The following ZYG11B variants were observed in gnomAD, a reference collection of about 807,000 sequenced individuals.
The protein encoded by ZYG11B is protein zyg-11 homolog B.
In ZYG11B, 36 loss-of-function variants were observed where a neutral mutation model predicts 82.4. That is an observed-to-expected ratio of 0.44 (90% CI 0.33 to 0.58). The LOEUF is 0.58. Among genes scored for constraint, ZYG11B ranks in the 20% least tolerant of loss-of-function variants. The pLI is 0.02. For missense variants in ZYG11B, 552 were observed against 895.6 expected, an observed-to-expected ratio of 0.62 and a Z score of 4.90; for synonymous variants, 303 against 312.8, an observed-to-expected ratio of 0.97 and a Z score of 0.33.
chr1:52,774,975 T>C (rs1308549488), intron 3 of ZYG11B, among the ~76,000 whole-genome samples: 6 of 152,190 alleles, frequency 3.9e-5, no homozygotes, highest in African/African-American at 4.8e-5. Flanking sequence ...GTTCTTAGTC[T>C]TCATTTTATT....
At position 52,823,500 on chromosome 1, in the gene ZYG11B, TAG is replaced by T. The variant is rs1645300893; in HGVS notation, c.*1875_*1876del. 1 of 151,440 alleles carries T rather than the reference TAG, an allele frequency of 6.6e-6. No homozygotes were observed. Among genetic ancestry groups the T allele is most frequent in the Non-Finnish European group, 1.5e-5 (1 of 67,948 alleles). The allele number at this position is 151,440 out of a possible 1,614,324, so 9.4% of individuals were successfully genotyped here. ...CAGACTAAGTTTATTTCAGACAAAA[TAG>T]AGAATTCTTTTAAAAGTTTTTTTTT... is the stretch of plus-strand genomic sequence containing the variant. On this transcript the variant is annotated 3_prime_UTR_variant, in exon 14 of 14. Transcript: ENST00000294353.
At chr1:52,779,822 A>G (rs937007865) in intron 3 of ZYG11B, 31 bp from the exon 4 acceptor site, 4 of 1,610,010 alleles carry the variant, frequency 2.5e-6, no homozygotes, top group Non-Finnish European at 3.4e-6. Flanking sequence ...AAGAGAGAGA[A>G]TTCTAAAAGC....
intron 1 of ZYG11B, among the ~76,000 whole-genome samples, chr1:52,752,895 T>C (rs1229414093): frequency 6.6e-6 from 1 of 152,034 alleles, no homozygotes; most frequent in Non-Finnish European, 1.5e-5. Context: ...TCGCCCAGGC[T>C]GGAGTGCAGC....
intron 13 of ZYG11B, 65 bp from the exon 14 acceptor site, chr1:52,821,374 A>T: frequency 6.8e-7 from 1 of 1,473,906 alleles, no homozygotes; most frequent in Non-Finnish European, 9.0e-7. Flanking sequence ...TTTGTGGAAT[A>T]ATTTTCAAGT....
chr1:52,804,665 A>G (rs769019517), intron 10 of ZYG11B, among the ~76,000 whole-genome samples: 15 of 152,110 alleles, frequency 9.9e-5, no homozygotes, highest in Non-Finnish European at 1.8e-4. Context: ...TTCTTAACAT[A>G]TTGGATATGG....
chr1:52,762,976 TG>T (rs34535989), intron 2 of ZYG11B, among the ~76,000 whole-genome samples: 8,603 of 102,736 alleles, frequency 0.084, 738 homozygotes, highest in African/African-American at 0.26. Context: ...GGTGAGAGAT[TG>T]GGGGGGGGGG....
At chr1:52,784,327 G>A (rs972602959) in intron 4 of ZYG11B, among the ~76,000 whole-genome samples, 6 of 152,186 alleles carry the variant, frequency 3.9e-5, no homozygotes, top group African/African-American at 1.4e-4. Flanking sequence ...TACAGATGGG[G>A]TTTCACCATG....
intron 4 of ZYG11B, among the ~76,000 whole-genome samples, chr1:52,780,515 A>G (rs1378121585): frequency 6.6e-6 from 1 of 152,184 alleles, no homozygotes; most frequent in Non-Finnish European, 1.5e-5. Context: ...AAAAAAAGAG[A>G]GAAGTAAAGA....
At chr1:52,817,972 G>T (rs1645250277) in intron 13 of ZYG11B, among the ~76,000 whole-genome samples, 1 of 148,468 alleles carries the variant, frequency 6.7e-6, no homozygotes, top group African/African-American at 2.5e-5. Context: ...AGAGTAGCTG[G>T]GACTATAGGC....
rs1237225956 is a variant in ZYG11B, at chr1:52,821,557, C to G, written c.2163C>G (p.Ser721Arg). The G allele has an allele frequency of 1.2e-6, 2 of 1,614,068 alleles. No homozygotes were observed. The highest frequency in any genetic ancestry group is 1.7e-6 in the Non-Finnish European group (2 of 1,180,004). The change falls in exon 14 of 14, where the codon AGC becomes AGG. Residue 721 changes from serine (S) to arginine (R), a missense_variant. This residue lies in a region of ZYG11B where 127 missense variants were observed against 163.4 expected (regional missense o/e 0.78). Coordinates refer to ENST00000294353, the MANE Select transcript of ZYG11B (RefSeq NM_024646.3). The part of the protein sequence containing the change: ...VQQIAVAILD[S>R]LEKHIVRHGR... ...AGATTGCTGTGGCCATTCTGGATAG[C>G]TTAGAAAAACACATTGTGCGCCATG...
At chr1:52,810,394 G>A (rs2149963916) in intron 10 of ZYG11B, among the ~76,000 whole-genome samples, 1 of 152,128 alleles carries the variant, frequency 6.6e-6, no homozygotes, top group South Asian at 2.1e-4. Context: ...ACAGATGGCT[G>A]GACTCACTTT....
intron 8 of ZYG11B, among the ~76,000 whole-genome samples, chr1:52,797,060 ATATT>A (rs1190117080): frequency 1.2e-5 from 1 of 85,190 alleles, no homozygotes; most frequent in African/African-American, 5.5e-5. Context: ...TATATTATAT[ATATT>A]TATATATTAT....
intron 2 of ZYG11B, among the ~76,000 whole-genome samples, chr1:52,759,702 GC>G (rs1644611170): frequency 6.6e-6 from 1 of 152,200 alleles, no homozygotes; most frequent in Non-Finnish European, 1.5e-5. Flanking sequence ...CTGAGAATAT[GC>G]AAAGAAACAT....
At chr1:52,736,284 T>A (rs1383991349) in intron 1 of ZYG11B, among the ~76,000 whole-genome samples, 1 of 150,896 alleles carries the variant, frequency 6.6e-6, no homozygotes, top group Non-Finnish European at 1.5e-5. Context: ...GTTTTATTTA[T>A]TTATTTATTT....
At chr1:52,783,598 T>TTTTC (rs1361250228) in intron 4 of ZYG11B, among the ~76,000 whole-genome samples, 3 of 150,012 alleles carry the variant, frequency 2.0e-5, no homozygotes, top group Admixed American at 6.6e-5. Context: ...GTTGCTTCAG[T>TTTTC]TTTCTTTCTT....
intron 1 of ZYG11B, among the ~76,000 whole-genome samples, chr1:52,748,736 C>T (rs970820899): frequency 6.6e-6 from 1 of 152,074 alleles, no homozygotes; most frequent in African/African-American, 2.4e-5. Flanking sequence ...GGTGCACGCG[C>T]CTGTAATCCC....
At chr1:52,750,873 G>GT in intron 1 of ZYG11B, among the ~76,000 whole-genome samples, 1 of 152,230 alleles carries the variant, frequency 6.6e-6, no homozygotes, top group Middle Eastern at 3.4e-3. Flanking sequence ...ACAATACGTG[G>GT]TTTTTTTGTG....
Position 52,771,126 on chromosome 1 carries a change from T to G in ZYG11B, c.303T>G (p.Ala101=). 6.2e-7 allele frequency: 1 copy of G among 1,614,198 alleles called. No homozygotes were observed. The change falls in exon 3 of 14, where the codon GCT becomes GCG. Residue 101 remains alanine (A), a synonymous_variant. Coordinates refer to ENST00000294353, the MANE Select transcript of ZYG11B (RefSeq NM_024646.3). This position sits in a 1 kb window ranked among gnomAD's most constrained non-coding sequence, Gnocchi z 5.4. ...AKISAVAFRK[A]FCHHKLVELD... ...TCTCTGCTGTTGCTTTCCGGAAAGC[T>G]TTCTGCCACCACAAGTTAGTGGAAC... is the stretch of plus-strand genomic sequence containing the variant.
chr1:52,800,128 T>C (rs1484502474), intron 8 of ZYG11B, among the ~76,000 whole-genome samples: 4 of 151,522 alleles, frequency 2.6e-5, no homozygotes, highest in East Asian at 1.9e-4. Context: ...AAAAAAAAAT[T>C]AGCTGGGCTT....
Sources: gnomAD v4.1 joint callset for allele counts (sites outside exome capture counted in the v4.1 genomes callset) on GRCh38, gnomAD v4.1.1 for gene constraint, gnomAD v4.1.1 regional missense constraint, Gnocchi (gnomAD v3.1) non-coding constraint, MANE v1.5 for transcripts, NCBI Gene and HGNC (gene_info 2026-07-23, HGNC 2026-07-21) for gene names.